CLTCL1: variants seen among roughly 807,000 people sequenced by gnomAD.
CLTCL1 encodes the protein clathrin heavy chain like 1, also known as clathrin heavy chain 2.
In CLTCL1, 159 loss-of-function variants were observed where a neutral mutation model predicts 190.0. The observed-to-expected ratio is 0.84, with a 90% CI of 0.74 to 0.95. The LOEUF is 0.95. Ranked by LOEUF, CLTCL1 falls within the 40% of genes least tolerant of loss-of-function variation. The pLI, the probability that CLTCL1 is intolerant of heterozygous loss-of-function variation, is 0.00. For missense variants in CLTCL1, 1,878 were observed against 2,033.4 expected (o/e 0.92, Z 1.47); for synonymous variants, 752 against 769.6 (o/e 0.98, Z 0.38).
chr22:19,202,558 A>C (rs1601502543), intron 22 of CLTCL1, among the ~76,000 whole-genome samples: 2 of 82,760 alleles, frequency 2.4e-5, no homozygotes, highest in Admixed American at 1.6e-4. Context: ...CATCCATGGC[A>C]CCTCCCCTCC....
At chr22:19,275,896 CA>C in intron 1 of CLTCL1, 66 bp from the exon 2 acceptor site, 1 of 1,341,872 alleles carries the variant, frequency 7.5e-7, no homozygotes, top group Non-Finnish European at 1.0e-6. Context: ...TAGCCAAAGG[CA>C]AAAGAGGAGA....
At chr22:19,184,614 G>A (rs1441362303) in intron 29 of CLTCL1, 22 of 454,184 alleles carry the variant, frequency 4.8e-5, no homozygotes, top group African/African-American at 1.4e-4. Context: ...GACCTGTGAC[G>A]CCCGCTCATC....
intron 7 of CLTCL1, among the ~76,000 whole-genome samples, chr22:19,233,826 C>T (rs546105515): frequency 6.6e-6 from 1 of 152,326 alleles, no homozygotes; most frequent in South Asian, 2.1e-4. Flanking sequence ...CAGGTGGCTT[C>T]ACACTTAGGG....
intron 2 of CLTCL1, among the ~76,000 whole-genome samples, chr22:19,266,966 G>C (rs1231543076): frequency 6.6e-6 from 1 of 152,128 alleles, no homozygotes; most frequent in African/African-American, 2.4e-5. Flanking sequence ...TGTCACTTCT[G>C]TTTAATACTG....
intron 7 of CLTCL1, 150 bp downstream of exon 7, chr22:19,234,359 T>C: frequency 1.5e-6 from 1 of 657,778 alleles, no homozygotes; most frequent in Non-Finnish European, 2.5e-6. Flanking sequence ...TTTACTGTTA[T>C]GCCATTGGTG....
chr22:19,183,865 T>C, intron 29 of CLTCL1: 1 of 516,064 alleles, frequency 1.9e-6, no homozygotes, highest in East Asian at 3.4e-5. Context: ...ACAGGAACTC[T>C]AGCCCCGAGG....
intron 19 of CLTCL1, among the ~76,000 whole-genome samples, chr22:19,211,401 A>AT (rs1373094320): frequency 6.6e-6 from 1 of 152,188 alleles, no homozygotes; most frequent in African/African-American, 2.4e-5. Context: ...TGGTTAAGGC[A>AT]TTTAGGCAAC....
chr22:19,241,941 C>CTTTTTTT (rs35692303), intron 4 of CLTCL1, among the ~76,000 whole-genome samples: 1 of 139,084 alleles, frequency 7.2e-6, no homozygotes, highest in Admixed American at 7.2e-5. Flanking sequence ...CCTCATCTAC[C>CTTTTTTT]TTTTTTTTTT....
chr22:19,198,898 CT>C lies in CLTCL1; in HGVS notation c.3873+835del, dbSNP rs1238636677. Among the ~76,000 whole-genome samples, 2 of 152,160 alleles carry C rather than the reference CT, an allele frequency of 1.3e-5. No individual in the cohort carries two copies. The highest frequency in any genetic ancestry group is 2.9e-5 in the Non-Finnish European group (2 of 68,040). On this transcript the variant is annotated intron_variant, in intron 24 of 32. Transcript: ENST00000427926. The surrounding 1 kb of genome is among the most constrained non-coding windows in gnomAD (Gnocchi z 4.1). The stretch of plus-strand genomic sequence containing the variant: ...TCAAAGATTTGCTGACTAAATTGTT[CT>C]TTTGTCAGCCCTGTACTGCTTGATC...
intron 27 of CLTCL1, among the ~76,000 whole-genome samples, chr22:19,189,776 T>C (rs532880495): frequency 7.2e-5 from 11 of 152,326 alleles, no homozygotes; most frequent in Admixed American, 5.9e-4. Flanking sequence ...CAACTTCTTA[T>C]TGATACATGA....
chr22:19,243,956 C>T (rs1160648245), intron 3 of CLTCL1, among the ~76,000 whole-genome samples: 1 of 152,098 alleles, frequency 6.6e-6, no homozygotes, highest in African/African-American at 2.4e-5. Flanking sequence ...CTCAGCCTCC[C>T]AAAATGCTGG....
intron 22 of CLTCL1, 95 bp from the exon 23 acceptor site, chr22:19,201,588 T>G: frequency 7.5e-7 from 1 of 1,332,940 alleles, no homozygotes; most frequent in Non-Finnish European, 1.0e-6. Flanking sequence ...GGTATTTTTC[T>G]GTTTGCTAGG....
Position 19,221,510 on chromosome 22 carries a change from T to C in CLTCL1, c.2663A>G (p.Asn888Ser), listed in dbSNP as rs1555952325. Residue 888 changes from asparagine (N) to serine (S), a missense_variant, in exon 17 of 33, where the codon AAC becomes AGC. Coordinates refer to ENST00000427926, the MANE Select transcript of CLTCL1 (RefSeq NM_007098.4). The stretch of plus-strand genomic sequence containing the variant: ...CTCTCTCAGGAAGCACTCGGGGCTG[T>C]TGTTGCTGTCGATGTAGATTTTAGC... ...ALAKIYIDSN[N>S]SPECFLRENA... 2 of 1,604,208 alleles carry C rather than the reference T, an allele frequency of 1.2e-6. No homozygotes were observed. Among genetic ancestry groups the C allele is most frequent in the South Asian group, 2.2e-5 (2 of 88,960 alleles).
chr22:19,202,861 T>C (rs2084941069), intron 22 of CLTCL1, among the ~76,000 whole-genome samples: 2 of 152,218 alleles, frequency 1.3e-5, no homozygotes, highest in African/African-American at 4.8e-5. Flanking sequence ...TGGAATGTCC[T>C]TCCTATGCCA....
intron 18 of CLTCL1, 93 bp from the exon 19 acceptor site, chr22:19,216,349 G>A (rs1202281168): frequency 8.2e-7 from 1 of 1,216,388 alleles, no homozygotes; most frequent in Non-Finnish European, 1.2e-6. Context: ...CCTCCAAGAT[G>A]GTCTGGAATA....
At chr22:19,243,757 G>A (rs2145970369) in intron 3 of CLTCL1, among the ~76,000 whole-genome samples, 1 of 146,300 alleles carries the variant, frequency 6.8e-6, no homozygotes, top group African/African-American at 2.5e-5. Context: ...GAGTGCAGTG[G>A]CGTGATCTCG....
At chr22:19,286,770 T>C (rs1242264108) in intron 1 of CLTCL1, among the ~76,000 whole-genome samples, 1 of 152,166 alleles carries the variant, frequency 6.6e-6, no homozygotes, top group Admixed American at 6.5e-5. Context: ...TGGGAAGGAA[T>C]ACCAAAGCTC....
chr22:19,221,277 G>C, intron 17 of CLTCL1, 100 bp downstream of exon 17: 1 of 848,120 alleles, frequency 1.2e-6, no homozygotes, highest in Admixed American at 2.9e-5. Flanking sequence ...GCCATCTCCA[G>C]GTGCACAGAA....
chr22:19,223,890 C>T lies in CLTCL1; in HGVS notation c.2292+1G>A, dbSNP rs1555954019. The T allele has an allele frequency of 1.9e-6, 3 of 1,613,414 alleles. No individual in the cohort carries two copies. Among genetic ancestry groups the T allele is most frequent in the Non-Finnish European group, 2.5e-6 (3 of 1,179,846 alleles). On this transcript the variant is annotated splice_donor_variant, in intron 14 of 32. Coordinates refer to ENST00000427926, the MANE Select transcript of CLTCL1 (RefSeq NM_007098.4). LOFTEE classifies it high-confidence loss of function. ...TGGAAGGAGGCAGCACTGGAACACA[C>T]CTTCAGGAAGTTCTTCACACGCTCT...
Sources: allele counts gnomAD v4.1 joint callset (sites outside exome capture counted in the v4.1 genomes callset), GRCh38; gene constraint gnomAD v4.1.1; non-coding constraint Gnocchi (gnomAD v3.1); transcripts MANE v1.5; gene names NCBI Gene and HGNC (gene_info 2026-07-23, HGNC 2026-07-21).